FREM1: variants seen among roughly 807,000 people sequenced by gnomAD.
The protein encoded by FREM1 is FRAS1-related extracellular matrix protein 1.
FREM1 carries 220 observed loss-of-function variants against 210.1 expected under a neutral mutation model. The observed-to-expected ratio is 1.05, with a 90% CI of 0.94 to 1.17. FREM1 has a LOEUF of 1.17. FREM1 is among the 50% of genes most tolerant of loss of function. FREM1 has a pLI of 0.00. For synonymous variants in FREM1, 1,189 were observed against 980.2 expected, an observed-to-expected ratio of 1.21 and a Z score of -3.98; for missense variants, 3,454 against 2,675.5, an observed-to-expected ratio of 1.29 and a Z score of -6.42.
intron 36 of FREM1, among the ~76,000 whole-genome samples, chr9:14,739,576 T>C (rs1401712845): frequency 2.0e-5 from 3 of 147,930 alleles, no homozygotes; most frequent in Non-Finnish European, 4.5e-5. Flanking sequence ...TATATTTATA[T>C]TTATACATAC....
intron 5 of FREM1, among the ~76,000 whole-genome samples, chr9:14,855,696 A>G (rs961975379): frequency 1.3e-5 from 2 of 152,080 alleles, no homozygotes; most frequent in South Asian, 4.1e-4. Context: ...TTTTATATTC[A>G]TAAATGAATC....
intron 35 of FREM1, among the ~76,000 whole-genome samples, chr9:14,745,395 C>G (rs1264586366): frequency 6.6e-6 from 1 of 152,118 alleles, no homozygotes; most frequent in Non-Finnish European, 1.5e-5. Flanking sequence ...TTTTGAGCAG[C>G]TTTTCATTTA....
At chr9:14,777,841 C>T (rs546398093) in intron 24 of FREM1, among the ~76,000 whole-genome samples, 58 of 152,208 alleles carry the variant, frequency 3.8e-4, no homozygotes, top group African/African-American at 1.4e-3. Context: ...CTGCCTGCGA[C>T]CACGGACTCA....
At chr9:14,739,475 T>TAA (rs1215232091) in intron 36 of FREM1, among the ~76,000 whole-genome samples, 2 of 91,636 alleles carry the variant, frequency 2.2e-5, no homozygotes, top group South Asian at 2.7e-4. Context: ...TATATATATA[T>TAA]AATTCATATA....
chr9:14,806,048 T>C (rs1010243198), intron 18 of FREM1, among the ~76,000 whole-genome samples: 7 of 152,218 alleles, frequency 4.6e-5, no homozygotes, highest in Non-Finnish European at 1.0e-4. Context: ...TCTCATGGTA[T>C]CCTGTGTTGC....
At chr9:14,775,434 G>A (rs934359131) in intron 25 of FREM1, among the ~76,000 whole-genome samples, 2 of 152,100 alleles carry the variant, frequency 1.3e-5, no homozygotes, top group African/African-American at 4.8e-5. Flanking sequence ...GGCCAGGCGT[G>A]ATAGCTCACG....
intron 20 of FREM1, among the ~76,000 whole-genome samples, chr9:14,800,042 G>T (rs974426058): frequency 3.4e-5 from 5 of 147,964 alleles, no homozygotes; most frequent in African/African-American, 1.3e-4. Flanking sequence ...GTGAGAACAT[G>T]CAGTGTTTGG....
chr9:14,857,865 A>G, intron 4 of FREM1, 116 bp from the exon 5 acceptor site: 1 of 619,488 alleles, frequency 1.6e-6, no homozygotes, highest in Non-Finnish European at 2.6e-6. Flanking sequence ...AGGAACACTC[A>G]TGTACCTTCC....
chr9:14,797,578 C>T lies in FREM1; in HGVS notation c.3759G>A (p.Leu1253=). The change falls in exon 21 of 37, where the codon TTG becomes TTA. Residue 1253 remains leucine (L), a synonymous_variant. Coordinates refer to ENST00000380880, the MANE Select transcript of FREM1 (RefSeq NM_001379081.2). ...TAAGTATCTTATGTTTCCCATCTGA[C>T]AATTGGATTGTAAAATCATCAGCAA... The part of the protein sequence containing the change: ...ESLADDFTIQ[L]SDGKHKILKT... 1 of 1,612,014 alleles carries T rather than the reference C, an allele frequency of 6.2e-7. No homozygotes were observed. Among genetic ancestry groups the T allele is most frequent in the Non-Finnish European group, 8.5e-7 (1 of 1,178,538 alleles).
intron 36 of FREM1, among the ~76,000 whole-genome samples, chr9:14,738,203 T>G (rs1404203439): frequency 6.6e-6 from 1 of 152,190 alleles, no homozygotes. Context: ...CACTTTAATG[T>G]TGTAAAGCTT....
rs368037531 is a variant in FREM1 at position 14,842,317 on chromosome 9, T to G, written c.1737A>C (p.Ile579=). The change falls in exon 9 of 37, where the codon ATA becomes ATC. Residue 579 remains isoleucine (I), a splice_region_variant and synonymous_variant. Transcript: ENST00000380880. ...TGATCTTAACTGCCCAGAACTTACC[T>G]ATCAGTCCTGGCCCTGGCTTCTTCA... The part of the protein sequence containing the change: ...EIMKKPGPGL[I]GYPVHGFLQR... 3 of 1,547,596 alleles carry G rather than the reference T, an allele frequency of 1.9e-6. No individual in the cohort carries two copies. The African/African-American group carries it at 4.1e-5, about 21-fold the overall frequency.
intron 36 of FREM1, among the ~76,000 whole-genome samples, chr9:14,738,972 T>G (rs540524854): frequency 7.7e-6 from 1 of 129,536 alleles, no homozygotes; most frequent in Admixed American, 9.0e-5. Flanking sequence ...ATTGCACCAC[T>G]CTACTCCAGC....
At chr9:14,856,116 GCTA>G in intron 5 of FREM1, among the ~76,000 whole-genome samples, 1 of 152,114 alleles carries the variant, frequency 6.6e-6, no homozygotes, top group Non-Finnish European at 1.5e-5. Flanking sequence ...TATGCATAGT[GCTA>G]CTATGTGCCA....
Position 14,750,151 on chromosome 9 carries a change from C to T in FREM1, c.5533G>A (p.Val1845Met). The change falls in exon 30 of 37, where the codon GTG becomes ATG. Residue 1845 changes from valine to methionine, a missense_variant. Transcript: ENST00000380880. ...AVLGTKTKAA[V>M]KILDSKGGQC... ...CCTCCTTTTGAGTCCAAAATTTTCACTGCAGCTTTTGTCTTTGTGCCAAGA... is the reference window on the plus strand; with the variant it reads ...CCTCCTTTTGAGTCCAAAATTTTCATTGCAGCTTTTGTCTTTGTGCCAAGA... 6.2e-7 allele frequency: 1 copy of T among 1,613,796 alleles called. No homozygotes were observed. The highest frequency in any genetic ancestry group is 1.3e-5 in the African/African-American group (1 of 75,052).
At chr9:14,874,449 G>A (rs1162569794) in intron 1 of FREM1, among the ~76,000 whole-genome samples, 2 of 149,874 alleles carry the variant, frequency 1.3e-5, no homozygotes, top group African/African-American at 5.0e-5. Context: ...TTTGATCTTT[G>A]TTGGTTTAAA....
chr9:14,795,337 G>A (rs1345526496), intron 21 of FREM1, among the ~76,000 whole-genome samples: 3 of 152,214 alleles, frequency 2.0e-5, no homozygotes, highest in African/African-American at 7.2e-5. Flanking sequence ...AGATCACACT[G>A]TTGGTAAGTG....
In FREM1 at chr9:14,823,273, G is replaced by C. The variant is rs747559553; in HGVS notation, c.2224C>G (p.Pro742Ala). ...AYMPPMQDIG[P>A]HCRDVQFTFS... is the part of the protein sequence containing the mutation. ...GTGAACTGGACATCTCTGCAATGGG[G>C]ACCAATGTCTTGCATGGGGGGCATG... The change falls in exon 13 of 37, where the codon CCC becomes GCC. Residue 742 changes from proline (P) to alanine (A), a missense_variant. Transcript: ENST00000380880. The C allele has an allele frequency of 2.5e-6, 4 of 1,613,946 alleles. No individual in the cohort carries two copies. Among genetic ancestry groups the C allele is most frequent in the Non-Finnish European group, 3.4e-6 (4 of 1,179,830 alleles).
At chr9:14,848,042 GAC>G (rs1827005262) in intron 7 of FREM1, among the ~76,000 whole-genome samples, 2 of 152,334 alleles carry the variant, frequency 1.3e-5, no homozygotes, top group African/African-American at 4.8e-5. Context: ...ATTTAAATCA[GAC>G]ACAGATATTT....
At chr9:14,792,301 C>CAG (rs1335331350) in intron 22 of FREM1, among the ~76,000 whole-genome samples, 103 of 145,008 alleles carry the variant, frequency 7.1e-4, no homozygotes, top group African/African-American at 2.4e-3. Context: ...CACACACACA[C>CAG]ACAGAGAGAG....
Sources: gnomAD v4.1 joint callset for allele counts (sites outside exome capture counted in the v4.1 genomes callset) on GRCh38, gnomAD v4.1.1 for gene constraint, MANE v1.5 for transcripts, NCBI Gene and HGNC (gene_info 2026-07-23, HGNC 2026-07-21) for gene names.